Variants in ATF7IP observed in about 807,000 individuals in gnomAD.
ATF7IP encodes the protein activating transcription factor 7 interacting protein.
ATF7IP carries 23 observed loss-of-function variants against 106.4 expected under a neutral mutation model. The observed-to-expected ratio is 0.22, with a 90% CI of 0.16 to 0.31. The LOEUF is 0.31. Among genes scored for constraint, ATF7IP ranks in the 10% least tolerant of loss-of-function variants. The probability of loss-of-function intolerance (pLI) is 1.00; values close to 1 mark genes in which losing one functional copy is unlikely to be tolerated. For synonymous variants in ATF7IP, 542 were observed against 539.0 expected, an observed-to-expected ratio of 1.01 and a Z score of -0.08; for missense variants, 1,334 against 1,524.3, an observed-to-expected ratio of 0.88 and a Z score of 2.08.
intron 1 of ATF7IP, among the ~76,000 whole-genome samples, chr12:14,412,777 G>T (rs553990168): frequency 6.6e-6 from 1 of 152,082 alleles, no homozygotes; most frequent in African/African-American, 2.4e-5. Flanking sequence ...ACTTTGGGTG[G>T]CCGAGGCAGG....
chr12:14,476,082 G>A (rs1043569679), intron 11 of ATF7IP, 114 bp downstream of exon 11: 2 of 806,502 alleles, frequency 2.5e-6, no homozygotes, highest in Non-Finnish European at 2.0e-6. Context: ...GTTTATTTGT[G>A]TTCTTTTTGG....
intron 13 of ATF7IP, among the ~76,000 whole-genome samples, chr12:14,495,086 C>A (rs914274065): frequency 6.6e-6 from 1 of 152,142 alleles, no homozygotes; most frequent in African/African-American, 2.4e-5. Context: ...GGCTGGGAGG[C>A]TAAGGCTAAG....
chr12:14,394,113 TTATTATTTGGTGAAA>T (rs550869701), intron 1 of ATF7IP, among the ~76,000 whole-genome samples: 2 of 152,212 alleles, frequency 1.3e-5, no homozygotes, highest in Non-Finnish European at 2.9e-5. Flanking sequence ...TACACAATTC[TTATTATTTGGTGAAA>T]TGTTAAACAA....
chr12:14,471,438 T>C (rs989944994), intron 10 of ATF7IP, among the ~76,000 whole-genome samples: 6 of 152,210 alleles, frequency 3.9e-5, no homozygotes, highest in African/African-American at 1.4e-4. Flanking sequence ...GACACTGTAT[T>C]ACATGGTGTT....
intron 13 of ATF7IP, among the ~76,000 whole-genome samples, chr12:14,487,224 T>C (rs138495052): frequency 0.019 from 2,768 of 144,768 alleles, 114 homozygotes; most frequent in African/African-American, 0.076. Flanking sequence ...GTTCCTTCCA[T>C]CATAATCTTA....
chr12:14,483,178 G>C (rs942267920), intron 13 of ATF7IP, among the ~76,000 whole-genome samples: 1 of 152,282 alleles, frequency 6.6e-6, no homozygotes, highest in Non-Finnish European at 1.5e-5. Context: ...ACCTCAGCTG[G>C]TCGTGGTTTA....
In ATF7IP at chr12:14,424,535, G is replaced by T. The variant is rs893227971; in HGVS notation, c.620G>T (p.Ser207Ile). The T allele has an allele frequency of 6.2e-7, 1 of 1,614,160 alleles. No individual in the cohort carries two copies. Among genetic ancestry groups the T allele is most frequent in the African/African-American group, 1.3e-5 (1 of 75,030 alleles). ...CTCTCCTCTGGTGATCCCACCTCTA[G>T]TGATCCCATCCCAGGTGAACCGGTC... ...DDLSSGDPTS[S>I]DPIPGEPVPV... Residue 207 changes from serine (S) to isoleucine (I), a missense_variant, in exon 2 of 15, where the codon AGT (serine) becomes ATT (isoleucine). Coordinates refer to ENST00000261168, the MANE Select transcript of ATF7IP (RefSeq NM_018179.5).
Position 14,403,179 on chromosome 12 carries a change from A to G in ATF7IP, c.-7-20730A>G, listed in dbSNP as rs1940356897. ...TTATCAGTGCTTAATTTTAATTTTTATCAGTGAATGAGTGTTGAAACATTT... is the reference window on the plus strand; with the variant it reads ...TTATCAGTGCTTAATTTTAATTTTTGTCAGTGAATGAGTGTTGAAACATTT... On this transcript the variant is annotated intron_variant, in intron 1 of 14. Coordinates refer to ENST00000261168, the MANE Select transcript of ATF7IP (RefSeq NM_018179.5). Among the ~76,000 whole-genome samples, 9 of 152,126 alleles carry G rather than the reference A, an allele frequency of 5.9e-5. 1 individual carries two copies. The highest frequency in any genetic ancestry group is 5.9e-4 in the Admixed American group (9 of 15,278).
intron 10 of ATF7IP, among the ~76,000 whole-genome samples, chr12:14,467,656 C>T (rs1943883328): frequency 6.7e-6 from 1 of 149,714 alleles, no homozygotes; most frequent in Non-Finnish European, 1.5e-5. Flanking sequence ...ATGAACATCT[C>T]TACTTCCCTC....
intron 1 of ATF7IP, among the ~76,000 whole-genome samples, chr12:14,379,843 C>T (rs1938926000): frequency 6.6e-6 from 1 of 152,034 alleles, no homozygotes; most frequent in Non-Finnish European, 1.5e-5. Flanking sequence ...GGTTATTAGT[C>T]TTTAGTCTTA....
rs754587420 is a variant in ATF7IP, at chr12:14,424,353, C to T, written c.438C>T (p.Ser146=). ...PGDLDAGDPA[S]GVLASGDSTS... Reference sequence around the variant, plus strand: ...ATCTGGATGCCGGAGATCCAGCCTCCGGAGTACTGGCCTCTGGTGATTCCA... The same window carrying T: ...ATCTGGATGCCGGAGATCCAGCCTCTGGAGTACTGGCCTCTGGTGATTCCA... The change falls in exon 2 of 15, where the codon TCC becomes TCT. Residue 146 remains serine (S), a synonymous_variant. Transcript: ENST00000261168. 3.3e-5 allele frequency: 54 copies of T among 1,613,980 alleles called. No individual in the cohort carries two copies. The highest frequency in any genetic ancestry group is 1.1e-4 in the South Asian group (10 of 91,080).
chr12:14,430,685 A>T (rs1942072177), intron 2 of ATF7IP, among the ~76,000 whole-genome samples: 1 of 152,058 alleles, frequency 6.6e-6, no homozygotes, highest in Admixed American at 6.5e-5. Context: ...GTCTGTAGGA[A>T]TTTCTTGTTT....
chr12:14,464,999 T>C (rs1045585586), intron 9 of ATF7IP, among the ~76,000 whole-genome samples: 5 of 152,182 alleles, frequency 3.3e-5, no homozygotes, highest in Admixed American at 2.6e-4. Flanking sequence ...GTGGATCACT[T>C]GAGGCCAGAA....
intron 13 of ATF7IP, among the ~76,000 whole-genome samples, chr12:14,484,944 T>G (rs1420883280): frequency 6.6e-6 from 1 of 152,100 alleles, no homozygotes; most frequent in Non-Finnish European, 1.5e-5. Context: ...AATGTTCAGT[T>G]TCCACCAAAG....
Position 14,447,050 on chromosome 12 carries a change from T to A in ATF7IP, c.1992T>A (p.His664Gln). Residue 664 changes from histidine (H) to glutamine (Q), a missense_variant, in exon 6 of 15, where the codon CAT becomes CAA. Physicochemically the swap from His to Gln is conservative, Grantham distance 24. This residue lies in a region of ATF7IP where 171 missense variants were observed against 172.6 expected (regional missense o/e 0.99). Coordinates refer to ENST00000261168, the MANE Select transcript of ATF7IP (RefSeq NM_018179.5). ...EAAKEDLKKR[H>Q]EHPPNPPVSP... is the part of the protein sequence containing the mutation. ...CCAAAGAAGATCTTAAGAAAAGACA[T>A]GAAGTAAAATTTTTCTATTCTTGCA... The A allele has an allele frequency of 6.3e-7, 1 of 1,590,066 alleles. No homozygotes were observed. Among genetic ancestry groups the A allele is most frequent in the Non-Finnish European group, 8.5e-7 (1 of 1,170,756 alleles).
chr12:14,475,875 A>G lies in ATF7IP; in HGVS notation c.2863-15A>G. On this transcript the variant is annotated splice_polypyrimidine_tract_variant and intron_variant, in intron 10 of 14. Coordinates refer to ENST00000261168, the MANE Select transcript of ATF7IP (RefSeq NM_018179.5). The stretch of plus-strand genomic sequence containing the variant: ...CAGAGTTTTCTTTGTAAAATGTAGA[A>G]GTTTTGTTTTTCAGTGTGGAAAAGC... 1.3e-6 allele frequency: 2 copies of G among 1,597,882 alleles called. No individual in the cohort carries two copies. Among genetic ancestry groups the G allele is most frequent in the Non-Finnish European group, 1.7e-6 (2 of 1,173,498 alleles).
chr12:14,377,425 T>G (rs532730480), intron 1 of ATF7IP, among the ~76,000 whole-genome samples: 1 of 151,428 alleles, frequency 6.6e-6, no homozygotes, highest in South Asian at 2.1e-4. Context: ...GCAAGATCTC[T>G]GCTCATTGCA....
At chr12:14,459,965 C>G (rs543263484) in intron 8 of ATF7IP, among the ~76,000 whole-genome samples, 1 of 152,214 alleles carries the variant, frequency 6.6e-6, no homozygotes, top group Admixed American at 6.5e-5. Flanking sequence ...TCAATAGTTC[C>G]TCTCCCAAGG....
At chr12:14,439,972 T>A (rs1029176517) in intron 5 of ATF7IP, among the ~76,000 whole-genome samples, 3 of 152,202 alleles carry the variant, frequency 2.0e-5, no homozygotes, top group African/African-American at 4.8e-5. Flanking sequence ...TAAATGTTGC[T>A]TGTAGTCTCA....
Sources: gnomAD v4.1 joint callset for allele counts (sites outside exome capture counted in the v4.1 genomes callset) on GRCh38, gnomAD v4.1.1 for gene constraint, gnomAD v4.1.1 regional missense constraint, MANE v1.5 for transcripts, NCBI Gene and HGNC (gene_info 2026-07-23, HGNC 2026-07-21) for gene names.